FAM135A: variants seen among roughly 807,000 people sequenced by gnomAD.
FAM135A encodes protein FAM135A.
Under a neutral mutation model 146.8 loss-of-function variants are expected in FAM135A, and 79 were observed. That is an observed-to-expected ratio of 0.54 (90% confidence interval 0.45 to 0.65). The LOEUF (loss-of-function observed/expected upper bound fraction) is 0.65. Ranked by LOEUF, FAM135A falls within the 30% of genes least tolerant of loss-of-function variation. The pLI is 0.00. For missense variants in FAM135A, 1,623 were observed against 1,758.2 expected, an observed-to-expected ratio of 0.92 and a Z score of 1.38; for synonymous variants, 562 against 603.6, an observed-to-expected ratio of 0.93 and a Z score of 1.01.
At chr6:70,455,038 A>C (rs976433395) in intron 5 of FAM135A, among the ~76,000 whole-genome samples, 1 of 152,068 alleles carries the variant, frequency 6.6e-6, no homozygotes, top group Non-Finnish European at 1.5e-5. Flanking sequence ...CCATTTTCAC[A>C]ATATTGATTC....
chr6:70,512,115 G>A (rs912440990), intron 12 of FAM135A, among the ~76,000 whole-genome samples: 4 of 151,700 alleles, frequency 2.6e-5, no homozygotes, highest in East Asian at 3.9e-4. Flanking sequence ...GCTGCTTTTC[G>A]GTCAGTTCCT....
At chr6:70,432,699 A>G (rs2127816000) in intron 4 of FAM135A, among the ~76,000 whole-genome samples, 1 of 152,242 alleles carries the variant, frequency 6.6e-6, no homozygotes, top group African/African-American at 2.4e-5. Flanking sequence ...GATTATTTAT[A>G]GATAAATTGA....
intron 5 of FAM135A, among the ~76,000 whole-genome samples, chr6:70,464,774 C>T (rs1293543141): frequency 3.5e-5 from 5 of 141,954 alleles, no homozygotes; most frequent in Non-Finnish European, 6.0e-5. Flanking sequence ...TCAAGCGATT[C>T]GCCCATCTCA....
In FAM135A at chr6:70,524,434, A is replaced by C; in HGVS notation, c.1350A>C (p.Ala450=). ...ATGAGACTGAAGAAAGCTCTGTAGC[A>C]GGACTTTCTAGCCCAGAGTTGAAAG... ...DKYETEESSV[A]GLSSPELKVR... is the part of the protein sequence containing the mutation. The change falls in exon 15 of 22, where the codon GCA becomes GCC. Residue 450 remains alanine (A), a synonymous_variant. Coordinates refer to ENST00000418814, the MANE Select transcript of FAM135A (RefSeq NM_001162529.3). 1.3e-6 allele frequency: 2 copies of C among 1,545,774 alleles called. No homozygotes were observed. Among genetic ancestry groups the C allele is most frequent in the Non-Finnish European group, 1.7e-6 (2 of 1,145,408 alleles).
At chr6:70,421,063 A>G (rs1416656111) in intron 2 of FAM135A, among the ~76,000 whole-genome samples, 4 of 151,974 alleles carry the variant, frequency 2.6e-5, no homozygotes, top group African/African-American at 7.3e-5. Flanking sequence ...TGTATTTTAT[A>G]TAGAGACACG....
Position 70,419,779 on chromosome 6 carries a change from A to T in FAM135A, c.-134+4403A>T, listed in dbSNP as rs1044710312. Among the ~76,000 whole-genome samples, 4 of 152,302 alleles carry T rather than the reference A, an allele frequency of 2.6e-5. No individual in the cohort carries two copies. The South Asian group carries it at 6.2e-4, about 24-fold the overall frequency. ...TCTCTCATAATGTGAGCCTCTCATT[A>T]CATTGAATGAACATTTCAAAGTATG... On this transcript the variant is annotated intron_variant, in intron 2 of 21. Coordinates refer to ENST00000418814, the MANE Select transcript of FAM135A (RefSeq NM_001162529.3).
At chr6:70,551,879 C>A (rs1799893389) in intron 20 of FAM135A, among the ~76,000 whole-genome samples, 1 of 151,956 alleles carries the variant, frequency 6.6e-6, no homozygotes, top group African/African-American at 2.4e-5. Flanking sequence ...TCACAGATCA[C>A]CATAACAGAT....
Position 70,525,110 on chromosome 6 carries a change from C to T in FAM135A, c.2026C>T (p.Leu676=). 6.4e-7 allele frequency: 1 copy of T among 1,565,558 alleles called. No individual in the cohort carries two copies. ...CAGTGGAGAGAATATAACTGTCAAA[C>T]TAGGACCTTGGACAGAGCTTCGACA... ...PFSGENITVK[L]GPWTELRQEE... is the part of the protein sequence containing the mutation. Residue 676 remains leucine (L), a synonymous_variant, in exon 15 of 22, where the codon CTA becomes TTA. Coordinates refer to ENST00000418814, the MANE Select transcript of FAM135A (RefSeq NM_001162529.3).
In FAM135A at chr6:70,560,836, T is replaced by C. The variant is rs1801766349; in HGVS notation, c.*915T>C. The C allele has an allele frequency of 6.6e-6, 1 of 152,598 alleles. No homozygotes were observed. The highest frequency in any genetic ancestry group is 1.9e-4 in the East Asian group (1 of 5,208). The allele number at this position is 152,598 out of a possible 1,614,324, so 9.5% of individuals were successfully genotyped here. On this transcript the variant is annotated 3_prime_UTR_variant, in exon 22 of 22. Coordinates refer to ENST00000418814, the MANE Select transcript of FAM135A (RefSeq NM_001162529.3). ...TAAAATTTATTGAACTAAAAAGTAA[T>C]GTAAATAAAATAATTCATGTTAAAG...
chr6:70,477,864 T>C (rs1264371097), intron 8 of FAM135A, among the ~76,000 whole-genome samples: 2 of 152,202 alleles, frequency 1.3e-5, no homozygotes, highest in Non-Finnish European at 2.9e-5. Context: ...AAACATTGGC[T>C]TGATAACTTT....
At chr6:70,442,845 G>A (rs982417916) in intron 4 of FAM135A, among the ~76,000 whole-genome samples, 7 of 152,074 alleles carry the variant, frequency 4.6e-5, no homozygotes, top group Admixed American at 2.0e-4. Flanking sequence ...AAATCTAAGA[G>A]ATATTTCATA....
Position 70,556,732 on chromosome 6 carries a change from A to G in FAM135A, c.4229-18A>G. The G allele has an allele frequency of 6.6e-7, 1 of 1,511,264 alleles. No homozygotes were observed. The allele number at this position is 1,511,264 out of a possible 1,614,324, so 93.6% of individuals were successfully genotyped here. On this transcript the variant is annotated intron_variant, in intron 20 of 21. Transcript: ENST00000418814. ...CTAGTTAACTACTGCATTATAATTT[A>G]TTATATTCTATTCACAGGGCTTCAT...
chr6:70,520,109 C>G (rs937154858), intron 12 of FAM135A, among the ~76,000 whole-genome samples: 6 of 151,942 alleles, frequency 3.9e-5, no homozygotes, highest in African/African-American at 1.2e-4. Flanking sequence ...TTCTTCATCA[C>G]GTTCTCATCA....
intron 4 of FAM135A, among the ~76,000 whole-genome samples, chr6:70,430,016 T>A (rs942082995): frequency 3.9e-5 from 6 of 152,130 alleles, no homozygotes; most frequent in Non-Finnish European, 7.4e-5. Context: ...CTGGACTTGT[T>A]CTCATGGTGG....
At chr6:70,416,889 G>T (rs1448630098) in intron 2 of FAM135A, among the ~76,000 whole-genome samples, 1 of 152,224 alleles carries the variant, frequency 6.6e-6, no homozygotes, top group African/African-American at 2.4e-5. Context: ...TTTTCAGAAG[G>T]AATAAGGTGA....
chr6:70,480,007 T>C (rs914113497), intron 8 of FAM135A, among the ~76,000 whole-genome samples: 1 of 152,224 alleles, frequency 6.6e-6, no homozygotes, highest in Admixed American at 6.5e-5. Flanking sequence ...AAATGGATTT[T>C]GCAAGCAAAA....
Position 70,559,952 on chromosome 6 carries a change from A to G in FAM135A, c.*31A>G, listed in dbSNP as rs1581914040. ...AAGCATTGTTAGCGACTGGACAATT[A>G]CCTCATTCAACAATGTTTCAAATAA... On this transcript the variant is annotated 3_prime_UTR_variant, in exon 22 of 22. Transcript: ENST00000418814. 2 of 1,503,136 alleles carry G rather than the reference A, an allele frequency of 1.3e-6. No homozygotes were observed. The highest frequency in any genetic ancestry group is 9.2e-7 in the Non-Finnish European group (1 of 1,088,792). The allele number at this position is 1,503,136 out of a possible 1,614,324, so 93.1% of individuals were successfully genotyped here.
chr6:70,518,911 A>G (rs992617612), intron 12 of FAM135A, among the ~76,000 whole-genome samples: 1 of 152,324 alleles, frequency 6.6e-6, no homozygotes, highest in African/African-American at 2.4e-5. Flanking sequence ...GACTAACACA[A>G]CGATCTATTC....
intron 12 of FAM135A, among the ~76,000 whole-genome samples, chr6:70,510,541 C>G (rs1265920653): frequency 6.6e-6 from 1 of 152,066 alleles, no homozygotes; most frequent in Non-Finnish European, 1.5e-5. Flanking sequence ...CATTTTGTAT[C>G]TGGTTTCTTT....
Sources: gnomAD v4.1 joint callset for allele counts (sites outside exome capture counted in the v4.1 genomes callset) on GRCh38, gnomAD v4.1.1 for gene constraint, MANE v1.5 for transcripts, NCBI Gene and HGNC (gene_info 2026-07-23, HGNC 2026-07-21) for gene names.